Variants in PCDH15 observed in about 807,000 individuals in gnomAD.
The protein encoded by PCDH15 is protocadherin-15.
Under a neutral mutation model 178.5 loss-of-function variants are expected in PCDH15, and 129 were observed. The observed-to-expected ratio is 0.72, with a 90% CI of 0.63 to 0.84. PCDH15 has a LOEUF of 0.84. Ranked by LOEUF, PCDH15 falls within the 40% of genes least tolerant of loss-of-function variation. The pLI is 0.00. For missense variants in PCDH15, 2,230 were observed against 2,099.9 expected, an observed-to-expected ratio of 1.06 and a Z score of -1.21; for synonymous variants, 800 against 732.0, an observed-to-expected ratio of 1.09 and a Z score of -1.50.
intron 21 of PCDH15, among the ~76,000 whole-genome samples, chr10:53,970,200 G>A (rs1257590118): frequency 6.6e-6 from 1 of 152,008 alleles, no homozygotes; most frequent in East Asian, 1.9e-4. Context: ...AAATAGCAGG[G>A]GTTGCAATCC....
intron 2 of PCDH15, among the ~76,000 whole-genome samples, chr10:55,436,285 G>C (rs1442997999): frequency 2.6e-5 from 4 of 151,974 alleles, no homozygotes; most frequent in Admixed American, 2.6e-4. Flanking sequence ...AATTAGAAAA[G>C]ATAAATACAA....
chr10:55,508,901 G>A (rs529971058), intron 2 of PCDH15, among the ~76,000 whole-genome samples: 1 of 151,752 alleles, frequency 6.6e-6, no homozygotes, highest in South Asian at 2.1e-4. Context: ...CATAAAGGTA[G>A]CTGAATATTA....
intron 2 of PCDH15, chr10:54,599,968 GA>G: frequency 8.7e-7 from 1 of 1,154,566 alleles, no homozygotes; most frequent in South Asian, 1.3e-5. Context: ...GGAAAAGCCA[GA>G]AAAAGCCAAG....
chr10:54,183,360 T>A (rs764677598), intron 13 of PCDH15, 84 bp downstream of exon 13: 25 of 1,301,294 alleles, frequency 1.9e-5, no homozygotes, highest in Non-Finnish European at 2.7e-5. Context: ...TTCTGTTTCT[T>A]AAGTAATTTC....
chr10:54,878,888 T>C lies in PCDH15; in HGVS notation c.-29+18562A>G, dbSNP rs565633442. Among the ~76,000 whole-genome samples the C allele has an allele frequency of 4.6e-5, 7 of 152,232 alleles. No homozygotes were observed. The East Asian group carries it at 9.7e-4, about 21-fold the overall frequency. On this transcript the variant is annotated intron_variant, in intron 3 of 5. Transcript: ENST00000458638. ...CTCCAAGTGTCTATGTGTCTCATAG[T>C]TCAGCTCTCACTTATATGTGAGATC...
At chr10:55,541,578 A>T (rs887504019) in intron 2 of PCDH15, among the ~76,000 whole-genome samples, 2 of 151,942 alleles carry the variant, frequency 1.3e-5, no homozygotes, top group South Asian at 4.1e-4. Flanking sequence ...TATTCTTTAG[A>T]AAAACTTATA....
chr10:55,467,996 T>TAAAA (rs369938584), intron 2 of PCDH15, among the ~76,000 whole-genome samples: 1,951 of 119,210 alleles, frequency 0.016, 66 homozygotes, highest in African/African-American at 0.065. Context: ...AAAAAAGAAT[T>TAAAA]AAAACTGGTC....
chr10:54,823,824 A>T (rs970753529), intron 3 of PCDH15, among the ~76,000 whole-genome samples: 1 of 152,172 alleles, frequency 6.6e-6, no homozygotes, highest in African/African-American at 2.4e-5. Flanking sequence ...ACTAAAAATA[A>T]TTGTTCTTGA....
intron 15 of PCDH15, among the ~76,000 whole-genome samples, chr10:54,107,751 A>G (rs993546316): frequency 1.3e-5 from 2 of 152,078 alleles, no homozygotes; most frequent in Admixed American, 6.6e-5. Context: ...GATCAATGTA[A>G]AGAATCAGAG....
rs1462941318 is a variant in PCDH15, at chr10:54,566,396, G to C, written c.92-38519C>G. Among the ~76,000 whole-genome samples the C allele has an allele frequency of 2.0e-5, 3 of 152,074 alleles. No homozygotes were observed. The South Asian group carries it at 6.2e-4, about 32-fold the overall frequency. On this transcript the variant is annotated intron_variant, in intron 2 of 37. Coordinates refer to ENST00000644397, the MANE Select transcript of PCDH15 (RefSeq NM_001384140.1). ...GTTTATTCTTTGTGTTTTACACTCT[G>C]TGGCTTTGACTAAATGTATAATGAG... is the stretch of plus-strand genomic sequence containing the variant.
At chr10:54,470,224 G>A (rs1407250484) in intron 3 of PCDH15, among the ~76,000 whole-genome samples, 2 of 152,190 alleles carry the variant, frequency 1.3e-5, no homozygotes, top group Non-Finnish European at 1.5e-5. Flanking sequence ...TAGTACACAC[G>A]AGCAGATAGC....
intron 2 of PCDH15, among the ~76,000 whole-genome samples, chr10:55,119,146 T>C (rs1837701584): frequency 6.6e-6 from 1 of 152,106 alleles, no homozygotes; most frequent in Non-Finnish European, 1.5e-5. Flanking sequence ...CCCACCAGGC[T>C]TCACTTAAAA....
chr10:55,553,102 G>T (rs1842030347), intron 2 of PCDH15, among the ~76,000 whole-genome samples: 1 of 151,104 alleles, frequency 6.6e-6, no homozygotes, highest in Non-Finnish European at 1.5e-5. Flanking sequence ...TTCTTAAATT[G>T]CTGATTTCAT....
intron 1 of PCDH15, among the ~76,000 whole-genome samples, chr10:54,756,555 A>T (rs1947152894): frequency 6.6e-6 from 1 of 152,202 alleles, no homozygotes; most frequent in Admixed American, 6.5e-5. Flanking sequence ...GCTCACACAG[A>T]TCTTGGAAAA....
intron 1 of PCDH15, among the ~76,000 whole-genome samples, chr10:54,679,937 G>T (rs1347335246): frequency 6.6e-6 from 1 of 152,126 alleles, no homozygotes; most frequent in Non-Finnish European, 1.5e-5. Flanking sequence ...GATAAAGAAT[G>T]TTTGTCTAAG....
At position 53,822,433 on chromosome 10, in the gene PCDH15, G is replaced by GAGGAGC. The variant is rs397517465; in HGVS notation, c.4368-2209_4368-2204dup. ...GGAGAAATGTCAGGAGGAGGAGCAA[G>GAGGAGC]AGGAGCAGGAGCAGGAGGAGGAGAA... On this transcript the variant is annotated intron_variant, in intron 32 of 37. Coordinates refer to ENST00000644397, the MANE Select transcript of PCDH15 (RefSeq NM_001384140.1). 23 of 1,588,994 alleles carry GAGGAGC rather than the reference G, an allele frequency of 1.4e-5. No individual in the cohort carries two copies. Among genetic ancestry groups the GAGGAGC allele is most frequent in the Admixed American group, 5.3e-5 (3 of 56,870 alleles).
At chr10:55,562,780 A>C (rs1211043644) in intron 2 of PCDH15, among the ~76,000 whole-genome samples, 1 of 152,010 alleles carries the variant, frequency 6.6e-6, no homozygotes, top group African/African-American at 2.4e-5. Flanking sequence ...CTGGATAGAC[A>C]GTGATGTCAT....
chr10:54,103,606 A>T (rs1456178918), intron 15 of PCDH15, among the ~76,000 whole-genome samples: 1 of 152,150 alleles, frequency 6.6e-6, no homozygotes, highest in Non-Finnish European at 1.5e-5. Context: ...GTCTAAAGTG[A>T]CTAGTCCACT....
rs1040935206 is a variant in PCDH15, at chr10:54,693,361, G to A, written c.-28-29071C>T. Among the ~76,000 whole-genome samples the A allele has an allele frequency of 4.6e-5, 7 of 152,034 alleles. No individual in the cohort carries two copies. In the East Asian group the frequency reaches 7.7e-4, roughly 17 times the overall value. ...TTCTAAAGGATTCTTAAACACATGT[G>A]TAACAACACCATGTGTTAGTTAATC... On this transcript the variant is annotated intron_variant, in intron 1 of 37. Transcript: ENST00000644397.
Sources: allele counts gnomAD v4.1 joint callset (sites outside exome capture counted in the v4.1 genomes callset), GRCh38; gene constraint gnomAD v4.1.1; transcripts MANE v1.5; gene names NCBI Gene and HGNC (gene_info 2026-07-23, HGNC 2026-07-21).